ASTN1: variants seen among roughly 807,000 people sequenced by gnomAD.
ASTN1 encodes the protein astrotactin 1.
In ASTN1, 41 loss-of-function variants were observed where a neutral mutation model predicts 140.7. The ratio of observed to expected loss-of-function variants is 0.29; its 90% confidence interval spans 0.23 to 0.38. The LOEUF (loss-of-function observed/expected upper bound fraction) is 0.38, where lower values mean the gene tolerates loss of function less well. Ranked by LOEUF, ASTN1 falls within the 10% of genes least tolerant of loss-of-function variation. The probability of loss-of-function intolerance (pLI) is 1.00; values close to 1 mark genes in which losing one functional copy is unlikely to be tolerated. For missense variants in ASTN1, 1,479 were observed against 1,678.8 expected (o/e 0.88, Z 2.08); for synonymous variants, 640 against 652.2 (o/e 0.98, Z 0.29).
chr1:177,090,589 T>C (rs1476462528), intron 1 of ASTN1, among the ~76,000 whole-genome samples: 1 of 152,116 alleles, frequency 6.6e-6, no homozygotes, highest in Non-Finnish European at 1.5e-5. Context: ...CAATACCCAT[T>C]TGATAATAAA....
chr1:177,130,718 G>A (rs541905505), intron 1 of ASTN1, among the ~76,000 whole-genome samples: 33 of 152,188 alleles, frequency 2.2e-4, no homozygotes, highest in African/African-American at 3.1e-4. Flanking sequence ...AAGGCCCATC[G>A]CACACTGTCA....
At chr1:176,998,583 A>T (rs549528017) in intron 8 of ASTN1, among the ~76,000 whole-genome samples, 1 of 152,234 alleles carries the variant, frequency 6.6e-6, no homozygotes, top group African/African-American at 2.4e-5. Flanking sequence ...TGGAGAGAAG[A>T]TCATTACACA....
At chr1:177,004,960 C>A (rs975790233) in intron 8 of ASTN1, among the ~76,000 whole-genome samples, 14 of 152,078 alleles carry the variant, frequency 9.2e-5, no homozygotes, top group East Asian at 1.9e-4. Context: ...TGCAAAAAAA[C>A]CAAAAACAAA....
downstream of ASTN1, among the ~76,000 whole-genome samples, chr1:176,857,979 A>C (rs2103002217): frequency 6.6e-6 from 1 of 152,300 alleles, no homozygotes. Flanking sequence ...TTGACATTTG[A>C]ATTATTTGAA....
chr1:177,040,680 T>A (rs1473260442), intron 2 of ASTN1, among the ~76,000 whole-genome samples: 1 of 152,254 alleles, frequency 6.6e-6, no homozygotes, highest in Non-Finnish European at 1.5e-5. Flanking sequence ...TCTAGCTTTT[T>A]AATTACTTTT....
At chr1:177,151,217 G>A (rs72720734) in intron 1 of ASTN1, among the ~76,000 whole-genome samples, 3,554 of 151,778 alleles carry the variant, frequency 0.023, 43 homozygotes, top group South Asian at 0.038. Context: ...AATTTTTTTC[G>A]AATCCTTATG....
intron 17 of ASTN1, among the ~76,000 whole-genome samples, chr1:176,893,187 G>A (rs1390468073): frequency 6.6e-6 from 1 of 152,186 alleles, no homozygotes; most frequent in African/African-American, 2.4e-5. Context: ...TGCAAGGATG[G>A]TTTTGCATGA....
chr1:177,094,924 A>T (rs1359781521), intron 1 of ASTN1, among the ~76,000 whole-genome samples: 3 of 152,224 alleles, frequency 2.0e-5, no homozygotes, highest in Non-Finnish European at 4.4e-5. Flanking sequence ...GTATAAATAC[A>T]GATGATAAAG....
intron 3 of ASTN1, 133 bp downstream of exon 3, chr1:177,032,323 C>T: frequency 8.2e-7 from 1 of 1,225,586 alleles, no homozygotes; most frequent in Non-Finnish European, 1.1e-6. Flanking sequence ...GTTATTCTTG[C>T]CTATCTAGGG....
At chr1:177,095,132 G>A (rs1243901370) in intron 1 of ASTN1, among the ~76,000 whole-genome samples, 1 of 152,200 alleles carries the variant, frequency 6.6e-6, no homozygotes, top group Non-Finnish European at 1.5e-5. Flanking sequence ...TGAAGGTGTG[G>A]CTTAGCCTCT....
chr1:177,012,524 T>G (rs1157136943), intron 8 of ASTN1, among the ~76,000 whole-genome samples: 1 of 152,220 alleles, frequency 6.6e-6, no homozygotes, highest in Non-Finnish European at 1.5e-5. Flanking sequence ...AAGATGGAAA[T>G]GACAGATTAG....
intron 2 of ASTN1, among the ~76,000 whole-genome samples, chr1:177,035,708 C>T (rs2101983714): frequency 6.6e-6 from 1 of 152,210 alleles, no homozygotes; most frequent in Middle Eastern, 3.4e-3. Flanking sequence ...AGGTTCAGCC[C>T]CTTCCTTTTC....
At chr1:176,962,749 A>G (rs922694598) in intron 9 of ASTN1, among the ~76,000 whole-genome samples, 27 of 152,180 alleles carry the variant, frequency 1.8e-4, no homozygotes, top group Admixed American at 1.8e-3. Flanking sequence ...ACCTTCCAGA[A>G]CTTATGAATT....
At position 176,978,480 on chromosome 1, in the gene ASTN1, G is replaced by A. The variant is rs374967996; in HGVS notation, c.1524-13243C>T. Among the ~76,000 whole-genome samples, 354 of 152,262 alleles carry A rather than the reference G, an allele frequency of 2.3e-3. 17 individuals carry two copies. The South Asian group carries it at 0.07, about 30-fold the overall frequency. ...TTTGGAAGAGAAGGGCAATTCTTAG[G>A]CAGAATTTCTTGGAAGATATTTTAA... On this transcript the variant is annotated intron_variant, in intron 8 of 22. Transcript: ENST00000361833.
rs2102012247 is a variant in ASTN1, at chr1:177,050,282, G to A, written c.471+10796C>T. Reference sequence around the variant, plus strand: ...CTCATATAGCCCTATCTTCTTTATGGTATTAGGGTAGCAGAACTCACCTCT... The same window carrying A: ...CTCATATAGCCCTATCTTCTTTATGATATTAGGGTAGCAGAACTCACCTCT... On this transcript the variant is annotated intron_variant, in intron 2 of 22. Transcript: ENST00000361833. Among the ~76,000 whole-genome samples the A allele has an allele frequency of 2.0e-5, 3 of 152,162 alleles. 1 individual carries two copies. Among genetic ancestry groups the A allele is most frequent in the Middle Eastern group, 6.8e-3 (2 of 294 alleles).
intron 1 of ASTN1, among the ~76,000 whole-genome samples, chr1:177,110,561 G>A (rs534863237): frequency 8.2e-4 from 125 of 152,322 alleles, no homozygotes; most frequent in Non-Finnish European, 1.5e-3. Context: ...TAGATACAAA[G>A]GGGGAGGAAA....
intron 1 of ASTN1, among the ~76,000 whole-genome samples, chr1:177,159,615 C>G (rs1012760789): frequency 5.3e-5 from 8 of 152,168 alleles, no homozygotes; most frequent in African/African-American, 1.9e-4. Context: ...CCACTGAGCT[C>G]TCAAAATAAG....
intron 2 of ASTN1, among the ~76,000 whole-genome samples, chr1:177,059,425 T>G (rs191574117): frequency 3.3e-4 from 51 of 152,276 alleles, no homozygotes; most frequent in African/African-American, 1.2e-3. Context: ...ACACTGTTCT[T>G]TAATAAGAAG....
intron 1 of ASTN1, among the ~76,000 whole-genome samples, chr1:177,135,823 T>G (rs893966934): frequency 2.6e-5 from 4 of 152,196 alleles, no homozygotes; most frequent in African/African-American, 9.6e-5. Context: ...AGCATGGAGC[T>G]TGTTAGAAAT....
Sources: allele counts gnomAD v4.1 joint callset (sites outside exome capture counted in the v4.1 genomes callset), GRCh38; gene constraint gnomAD v4.1.1; transcripts MANE v1.5; gene names NCBI Gene and HGNC (gene_info 2026-07-23, HGNC 2026-07-21).